RPS6KA6: variants seen among roughly 807,000 people sequenced by gnomAD.
The protein encoded by RPS6KA6 is ribosomal protein S6 kinase alpha-6.
In RPS6KA6, 27 loss-of-function variants were observed where a neutral mutation model predicts 65.4. The ratio of observed to expected loss-of-function variants is 0.41; its 90% CI spans 0.30 to 0.57. The LOEUF is 0.57. RPS6KA6 is among the 20% of genes least tolerant of loss of function. The pLI is 0.24. For synonymous variants in RPS6KA6, 190 were observed against 184.2 expected, an observed-to-expected ratio of 1.03 and a Z score of -0.26; for missense variants, 486 against 555.6, an observed-to-expected ratio of 0.87 and a Z score of 1.26.
chrX:84,187,772 GA>G, intron 1 of RPS6KA6, 46 bp downstream of exon 1: 1 of 1,140,564 alleles, frequency 8.8e-7, no homozygotes, highest in Non-Finnish European at 1.2e-6. Context: ...GTCTTGAGGG[GA>G]AGGAGGCGGG....
chrX:84,184,392 C>T (rs1050314887), intron 1 of RPS6KA6, among the ~76,000 whole-genome samples: 2 of 112,511 alleles, frequency 1.8e-5, no homozygotes, highest in African/African-American at 6.5e-5. Context: ...CTATTGTGTA[C>T]TAGAGACTAA....
chrX:84,104,316 T>C (rs545854436), intron 17 of RPS6KA6, among the ~76,000 whole-genome samples, 183 bp downstream of exon 17: 2 of 111,423 alleles, frequency 1.8e-5, no homozygotes, highest in South Asian at 3.7e-4. Flanking sequence ...TCAGGGCCAA[T>C]TGGCAGAGAG....
At position 84,096,202 on chromosome X, in the gene RPS6KA6, C is replaced by T. The variant is rs773583314; in HGVS notation, c.1963G>A (p.Gly655Arg). The change falls in exon 20 of 22, where the codon GGA (glycine) becomes AGA (arginine). Residue 655 changes from glycine (G) to arginine (R), a missense_variant. Gly to Arg is a moderately radical substitution (Grantham distance 125). Coordinates refer to ENST00000262752, the MANE Select transcript of RPS6KA6 (RefSeq NM_014496.5). ...AACATTATAATTTATACCTTTGCTC[C>T]GTCTGAAATATTGTCCCAGTTTCCA... ...SGGNWDNISDGAKDLLSHMLH... is the reference protein window; with the variant it reads ...SGGNWDNISDRAKDLLSHMLH... 4.4e-6 allele frequency: 5 copies of T among 1,139,454 alleles called. No individual in the cohort carries two copies. The highest frequency in any genetic ancestry group is 2.4e-4 in the Middle Eastern group (1 of 4,222). The allele number at this position is 1,139,454 out of a possible 1,213,427, so 93.9% of individuals were successfully genotyped here.
At chrX:84,093,772 A>G (rs2034095819) in intron 20 of RPS6KA6, among the ~76,000 whole-genome samples, 1 of 112,065 alleles carries the variant, frequency 8.9e-6, no homozygotes. Flanking sequence ...AAAACAATGT[A>G]AACACAAGCA....
intron 6 of RPS6KA6, among the ~76,000 whole-genome samples, chrX:84,138,182 T>C (rs2035027728): frequency 8.9e-6 from 1 of 112,162 alleles, no homozygotes; most frequent in African/African-American, 3.2e-5. Context: ...ATTCTTCCTT[T>C]ATCATAATGA....
In RPS6KA6 at chrX:84,064,400, T is replaced by A. The variant is rs2033354231; in HGVS notation, c.2115A>T (p.Gly705=). 8.5e-7 allele frequency: 1 copy of A among 1,181,810 alleles called. No individual in the cohort carries two copies. Among genetic ancestry groups the A allele is most frequent in the African/African-American group, 1.8e-5 (1 of 55,708 alleles). Residue 705 remains glycine (G), a splice_region_variant and synonymous_variant, in exon 22 of 22, where the codon GGA becomes GGT. Transcript: ENST00000262752. ...GGGCAGAGTATGTTGCAACCATTGC[T>A]CCCTAAAGTAATGAGAAAATGCCAC... is the stretch of plus-strand genomic sequence containing the variant. ...KRNDVSHVVK[G]AMVATYSALT...
chrX:84,112,595 G>A (rs1179473476), intron 12 of RPS6KA6, among the ~76,000 whole-genome samples: 1 of 111,535 alleles, frequency 9.0e-6, no homozygotes, highest in African/African-American at 3.3e-5. Flanking sequence ...CAAAATCAAG[G>A]CAGGAATAAA....
At chrX:84,077,502 G>A (rs1446656962) in intron 20 of RPS6KA6, among the ~76,000 whole-genome samples, 1 of 111,493 alleles carries the variant, frequency 9.0e-6, no homozygotes, top group Non-Finnish European at 1.9e-5. Context: ...GCAATTTGGT[G>A]AAGAAAGGAT....
intron 20 of RPS6KA6, among the ~76,000 whole-genome samples, chrX:84,092,699 G>C (rs2034073415): frequency 9.0e-6 from 1 of 110,997 alleles, no homozygotes; most frequent in African/African-American, 3.3e-5. Flanking sequence ...AATAAGTGTT[G>C]ACAAAGATGT....
At chrX:84,135,251 A>G (rs1297574625) in intron 6 of RPS6KA6, 41 bp from the exon 7 acceptor site, 1 of 874,316 alleles carries the variant, frequency 1.1e-6, no homozygotes, top group South Asian at 2.4e-5. Context: ...CTTTCTTTCA[A>G]TATTCAGTAT....
At chrX:84,124,624 A>T (rs1003963756) in intron 8 of RPS6KA6, among the ~76,000 whole-genome samples, 2 of 94,869 alleles carry the variant, frequency 2.1e-5, no homozygotes, top group East Asian at 4.4e-4. Context: ...AGACAAAATT[A>T]AAAAAAAAAA....
chrX:84,185,841 T>C (rs1383400970), intron 1 of RPS6KA6, among the ~76,000 whole-genome samples: 1 of 112,173 alleles, frequency 8.9e-6, no homozygotes, highest in Non-Finnish European at 1.9e-5. Flanking sequence ...AACAAATTTG[T>C]AATTAAAATA....
intron 8 of RPS6KA6, among the ~76,000 whole-genome samples, chrX:84,125,256 T>C (rs2147488474): frequency 8.9e-6 from 1 of 112,006 alleles, no homozygotes; most frequent in Non-Finnish European, 1.9e-5. Flanking sequence ...ATGCAGGGAA[T>C]ATTATTATGC....
In RPS6KA6 at chrX:84,145,569, T is replaced by A; in HGVS notation, c.422-12A>T. ...TTCAGTCTGAAAGGCTAATTAAAAA[T>A]TAGAATATAGTAACAGGATAATCTC... On this transcript the variant is annotated splice_polypyrimidine_tract_variant and intron_variant, in intron 5 of 21. Transcript: ENST00000262752. 1.0e-6 allele frequency: 1 copy of A among 981,736 alleles called. No individual in the cohort carries two copies. Among genetic ancestry groups the A allele is most frequent in the Non-Finnish European group, 1.4e-6 (1 of 715,158 alleles). The allele number at this position is 981,736 out of a possible 1,213,427, so 80.9% of individuals were successfully genotyped here. A position where few individuals can be genotyped will look rare whatever the true frequency, so the allele number is the denominator to read the frequency against.
chrX:84,102,140 G>A lies in RPS6KA6; in HGVS notation c.1673C>T (p.Ala558Val). The change falls in exon 18 of 22, where the codon GCA becomes GTA. Residue 558 changes from alanine (A) to valine (V), a missense_variant. Coordinates refer to ENST00000262752, the MANE Select transcript of RPS6KA6 (RefSeq NM_014496.5). Reference sequence around the variant, plus strand: ...AAAATCACATATCCTGATTGAATCTGCACTGGCTGATTCATCCATGTATAA... The same window carrying A: ...AAAATCACATATCCTGATTGAATCTACACTGGCTGATTCATCCATGTATAA... Reference protein sequence around the residue: ...NILYMDESASADSIRICDFGF... With the variant: ...NILYMDESASVDSIRICDFGF... 8.5e-7 allele frequency: 1 copy of A among 1,182,009 alleles called. No homozygotes were observed. Among genetic ancestry groups the A allele is most frequent in the Non-Finnish European group, 1.1e-6 (1 of 876,507 alleles).
Position 84,104,481 on chromosome X carries a change from A to C in RPS6KA6, c.1614+18T>G. ...TATAGGTCCCAGAATAGAAAGAAAA[A>C]AGTTAACTACAACTTACTCCTTGAC... is the stretch of plus-strand genomic sequence containing the variant. On this transcript the variant is annotated intron_variant, in intron 17 of 21. Transcript: ENST00000262752. The C allele has an allele frequency of 9.3e-7, 1 of 1,070,755 alleles. No individual in the cohort carries two copies. Among genetic ancestry groups the C allele is most frequent in the South Asian group, 2.8e-5 (1 of 35,663 alleles). The allele number at this position is 1,070,755 out of a possible 1,213,427, so 88.2% of individuals were successfully genotyped here.
chrX:84,081,467 C>T (rs1053731449), intron 20 of RPS6KA6, among the ~76,000 whole-genome samples: 3 of 111,545 alleles, frequency 2.7e-5, no homozygotes, highest in Non-Finnish European at 5.6e-5. Context: ...AAACTCGAGG[C>T]AGTAATTATA....
intron 1 of RPS6KA6, among the ~76,000 whole-genome samples, chrX:84,175,803 G>A (rs1360106311): frequency 9.0e-6 from 1 of 111,196 alleles, no homozygotes; most frequent in Non-Finnish European, 1.9e-5. Flanking sequence ...GTACATTATG[G>A]AAAAATGCGT....
chrX:84,085,018 G>T (rs1038042786), intron 20 of RPS6KA6, among the ~76,000 whole-genome samples: 1 of 111,092 alleles, frequency 9.0e-6, no homozygotes, highest in Non-Finnish European at 1.9e-5. Flanking sequence ...CCTGTTGTTG[G>T]GGCATAGAAA....
Sources: allele counts gnomAD v4.1 joint callset (sites outside exome capture counted in the v4.1 genomes callset), GRCh38; gene constraint gnomAD v4.1.1; transcripts MANE v1.5; gene names NCBI Gene and HGNC (gene_info 2026-07-23, HGNC 2026-07-21).